The following KBTBD7 variants were observed in gnomAD, a reference collection of about 807,000 sequenced individuals.
The protein encoded by KBTBD7 is kelch repeat and BTB domain containing 7.
Under a neutral mutation model 50.3 loss-of-function variants are expected in KBTBD7, and 25 were observed. The observed-to-expected ratio is 0.50, with a 90% confidence interval of 0.36 to 0.69. The LOEUF is 0.69. Among genes scored for constraint, KBTBD7 ranks in the 30% least tolerant of loss-of-function variants. The pLI is 0.00. For synonymous variants in KBTBD7, 305 were observed against 325.3 expected (o/e 0.94, Z 0.67); for missense variants, 653 against 869.5 (o/e 0.75, Z 3.13).
At position 41,193,541 on chromosome 13, in the gene KBTBD7, T is replaced by A; in HGVS notation, c.717A>T (p.Val239=). ...CCAGCCACTGCACAGCTACATGGCA[T>A]ACAGTCCGCTCACTCTCTATGTCCA... is the stretch of plus-strand genomic sequence containing the variant. ...DSLDIESERT[V]CHVAVQWLEA... is the part of the protein sequence containing the mutation. The change falls in exon 1 of 1, where the codon GTA becomes GTT. Residue 239 remains valine, a synonymous_variant. Transcript: ENST00000379483. The surrounding 1 kb of genome is among the most constrained non-coding windows in gnomAD (Gnocchi z 5.7). 6.2e-7 allele frequency: 1 copy of A among 1,614,204 alleles called. No homozygotes were observed. Among genetic ancestry groups the A allele is most frequent in the Non-Finnish European group, 8.5e-7 (1 of 1,180,032 alleles).
rs1387794977 is a variant in KBTBD7 at position 41,191,982 on chromosome 13, T to C, written c.*221A>G. ...ACCTACCAAGCATCCTAATCAATTATATAGTTCTTGCTTCCATATTTTAAT... is the reference window on the plus strand; with the variant it reads ...ACCTACCAAGCATCCTAATCAATTACATAGTTCTTGCTTCCATATTTTAAT... On this transcript the variant is annotated 3_prime_UTR_variant, in exon 1 of 1. Coordinates refer to ENST00000379483, the MANE Select transcript of KBTBD7 (RefSeq NM_032138.7). The C allele has an allele frequency of 1.3e-5, 6 of 471,880 alleles. No individual in the cohort carries two copies. The highest frequency in any genetic ancestry group is 2.2e-5 in the Non-Finnish European group (6 of 268,080). 29.2% of individuals were successfully genotyped at this position (471,880 alleles called of 1,614,324 possible).
chr13:41,192,086 A>T lies in KBTBD7; in HGVS notation c.*117T>A. The T allele has an allele frequency of 2.1e-6, 2 of 949,254 alleles. No homozygotes were observed. Among genetic ancestry groups the T allele is most frequent in the Non-Finnish European group, 3.2e-6 (2 of 619,960 alleles). The allele number at this position is 949,254 out of a possible 1,614,324, so 58.8% of individuals were successfully genotyped here. On this transcript the variant is annotated 3_prime_UTR_variant, in exon 1 of 1. Coordinates refer to ENST00000379483, the MANE Select transcript of KBTBD7 (RefSeq NM_032138.7). ...AAACCTTGTAGTATTTCAAAATATT[A>T]CCCTTTCTAAACCAAATCTGTGGTC...
chr13:41,190,988 T>TA lies in KBTBD7; in HGVS notation c.*1214dup, dbSNP rs2031369311. ...ATAATTAAGAACATTCACAATGACT[T>TA]ACAAAATGGACAATATTCCAATGCT... is the stretch of plus-strand genomic sequence containing the variant. On this transcript the variant is annotated 3_prime_UTR_variant, in exon 1 of 1. Transcript: ENST00000379483. 1 of 152,148 alleles carries TA rather than the reference T, an allele frequency of 6.6e-6. No homozygotes were observed. The allele number at this position is 152,148 out of a possible 1,614,324, so 9.4% of individuals were successfully genotyped here.
Position 41,190,579 on chromosome 13 carries a change from T to C in KBTBD7, c.*1624A>G, listed in dbSNP as rs2031360799. 1 of 152,214 alleles carries C rather than the reference T, an allele frequency of 6.6e-6. No homozygotes were observed. The highest frequency in any genetic ancestry group is 6.5e-5 in the Admixed American group (1 of 15,290). 9.4% of individuals were successfully genotyped at this position (152,214 alleles called of 1,614,324 possible). A position where few individuals can be genotyped will look rare whatever the true frequency, so the allele number is the denominator to read the frequency against. Reference sequence around the variant, plus strand: ...GTTATTGAATAAAGAATCAGGAAGATAATTCTAATTGGGTATAGAAAAATT... The same window carrying C: ...GTTATTGAATAAAGAATCAGGAAGACAATTCTAATTGGGTATAGAAAAATT... On this transcript the variant is annotated 3_prime_UTR_variant, in exon 1 of 1. Transcript: ENST00000379483.
rs1444417401 is a variant in KBTBD7, at chr13:41,193,276, C to A, written c.982G>T (p.Val328Leu). 6.2e-7 allele frequency: 1 copy of A among 1,612,684 alleles called. No homozygotes were observed. Among genetic ancestry groups the A allele is most frequent in the African/African-American group, 1.3e-5 (1 of 74,880 alleles). Residue 328 changes from valine to leucine, a missense_variant, in exon 1 of 1, where the codon GTA (valine) becomes TTA (leucine). By Grantham distance (32) the Val-to-Leu change is conservative. Coordinates refer to ENST00000379483, the MANE Select transcript of KBTBD7 (RefSeq NM_032138.7). The surrounding 1 kb of genome is among the most constrained non-coding windows in gnomAD (Gnocchi z 5.7). The part of the protein sequence containing the change: ...SSSSSSSNSL[V>L]SAAENPPQRL... ...TGGGGTGGATTTTCTGCTGCAGATA[C>A]AAGAGAGTTGCTGCTGCTACTGCTG...
Position 41,192,189 on chromosome 13 carries a change from T to C in KBTBD7, c.*14A>G. On this transcript the variant is annotated 3_prime_UTR_variant, in exon 1 of 1. Transcript: ENST00000379483. ...CCGTAGCAGTAGAAACATCTTAGTG[T>C]CTCAAAATACTATTTACAAAGAACC... 5 of 1,583,548 alleles carry C rather than the reference T, an allele frequency of 3.2e-6. No individual in the cohort carries two copies. Among genetic ancestry groups the C allele is most frequent in the Non-Finnish European group, 4.3e-6 (5 of 1,165,736 alleles).
Position 41,193,821 on chromosome 13 carries a change from G to A in KBTBD7, c.437C>T (p.Ala146Val). 1 of 1,614,158 alleles carries A rather than the reference G, an allele frequency of 6.2e-7. No individual in the cohort carries two copies. Among genetic ancestry groups the A allele is most frequent in the Non-Finnish European group, 8.5e-7 (1 of 1,180,046 alleles). Residue 146 changes from alanine to valine, a missense_variant, in exon 1 of 1, where the codon GCG (alanine) becomes GTG (valine). Physicochemically the swap from Ala to Val is moderately conservative, Grantham distance 64. Around this residue, in one of 3 missense-constraint regions of KBTBD7, gnomAD observed 526 missense variants for 717.1 expected, o/e 0.73. Coordinates refer to ENST00000379483, the MANE Select transcript of KBTBD7 (RefSeq NM_032138.7). This position sits in a 1 kb window ranked among gnomAD's most constrained non-coding sequence, Gnocchi z 5.7. ...TTCCAGCTGTAGCATGTCGGAGGCCGCGTACAGGCGCTGCACATTGGCCTC... is the reference window on the plus strand; with the variant it reads ...TTCCAGCTGTAGCATGTCGGAGGCCACGTACAGGCGCTGCACATTGGCCTC... Reference protein sequence around the residue: ...LSEANVQRLYAASDMLQLEYV... With the variant: ...LSEANVQRLYVASDMLQLEYV...
Position 41,192,893 on chromosome 13 carries a change from T to C in KBTBD7, c.1365A>G (p.Glu455=). The C allele has an allele frequency of 8.7e-6, 14 of 1,614,230 alleles. No homozygotes were observed. The highest frequency in any genetic ancestry group is 1.2e-5 in the Non-Finnish European group (14 of 1,180,038). Residue 455 remains glutamate (E), a synonymous_variant, in exon 1 of 1, where the codon GAA becomes GAG. Coordinates refer to ENST00000379483, the MANE Select transcript of KBTBD7 (RefSeq NM_032138.7). ...ACTGGTTTCTCTGAACACTGTAGCA[T>C]TCCACTTCCTTCAACTTAACTCCAG... ...PITGVKLKEV[E]CYSVQRNQWA... is the part of the protein sequence containing the mutation.
At position 41,192,315 on chromosome 13, in the gene KBTBD7, C is replaced by A; in HGVS notation, c.1943G>T (p.Gly648Val). ...TGACTCAGAGTCCAGCTCACTGAAT[C>A]CATCTAAGTCCCATTCAGTACTAGA... ...SESSTEWDLD[G>V]FSELDSESGS... Residue 648 changes from glycine to valine, a missense_variant, in exon 1 of 1, where the codon GGA becomes GTA. By Grantham distance (109) the Gly-to-Val change is moderately radical. Transcript: ENST00000379483. The A allele has an allele frequency of 6.2e-7, 1 of 1,614,142 alleles. No individual in the cohort carries two copies. Among genetic ancestry groups the A allele is most frequent in the Non-Finnish European group, 8.5e-7 (1 of 1,180,010 alleles).
chr13:41,192,253 C>G lies in KBTBD7; in HGVS notation c.2005G>C (p.Val669Leu). 1.2e-6 allele frequency: 2 copies of G among 1,614,084 alleles called. No individual in the cohort carries two copies. Among genetic ancestry groups the G allele is most frequent in the Non-Finnish European group, 1.7e-6 (2 of 1,179,996 alleles). The change falls in exon 1 of 1, where the codon GTG (valine) becomes CTG (leucine). Residue 669 changes from valine to leucine, a missense_variant. By Grantham distance (32) the Val-to-Leu change is conservative. Around this residue, in one of 3 missense-constraint regions of KBTBD7, gnomAD observed 526 missense variants for 717.1 expected, o/e 0.73. Coordinates refer to ENST00000379483, the MANE Select transcript of KBTBD7 (RefSeq NM_032138.7). ...SSSFSDDEVW[V>L]QVAPQRNAQD... ...GCATTTCGCTGAGGTGCTACTTGCA[C>G]CCAGACTTCATCATCTGAAAAAGAA... is the stretch of plus-strand genomic sequence containing the variant.
At position 41,191,545 on chromosome 13, in the gene KBTBD7, A is replaced by ATTTCTTTTTTTT. The variant is rs2031384423; in HGVS notation, c.*657_*658insAAAAAAAAGAAA. On this transcript the variant is annotated 3_prime_UTR_variant, in exon 1 of 1. Coordinates refer to ENST00000379483, the MANE Select transcript of KBTBD7 (RefSeq NM_032138.7). ...TTTCTTTTAAAACAGTGGAATCCTG[A>ATTTCTTTTTTTT]TTTTTTCTTTTTTTTTTTTTTTTTT... 1.5e-5 allele frequency: 1 copy of ATTTCTTTTTTTT among 67,332 alleles called. No individual in the cohort carries two copies. Among genetic ancestry groups the ATTTCTTTTTTTT allele is most frequent in the African/African-American group, 3.5e-5 (1 of 28,494 alleles). The allele number at this position is 67,332 out of a possible 1,614,324, so 4.2% of individuals were successfully genotyped here.
Position 41,190,982 on chromosome 13 carries a change from A to G in KBTBD7, c.*1221T>C, listed in dbSNP as rs972356626. 3.3e-5 allele frequency: 5 copies of G among 152,178 alleles called. No individual in the cohort carries two copies. The highest frequency in any genetic ancestry group is 1.2e-4 in the African/African-American group (5 of 41,458). The allele number at this position is 152,178 out of a possible 1,614,324, so 9.4% of individuals were successfully genotyped here. On this transcript the variant is annotated 3_prime_UTR_variant, in exon 1 of 1. Coordinates refer to ENST00000379483, the MANE Select transcript of KBTBD7 (RefSeq NM_032138.7). ...AAGCTGATAATTAAGAACATTCACA[A>G]TGACTTACAAAATGGACAATATTCC...
chr13:41,193,378 C>A lies in KBTBD7; in HGVS notation c.880G>T (p.Val294Phe). 1 of 1,613,220 alleles carries A rather than the reference C, an allele frequency of 6.2e-7. No homozygotes were observed. The highest frequency in any genetic ancestry group is 8.5e-7 in the Non-Finnish European group (1 of 1,179,256). ...KPIVKKYCLD[V>F]IEGALQMRYG... ...CGCATCTGCAGGGCCCCTTCAATAA[C>A]GTCCAGGCAGTACTTCTTCACGATG... Residue 294 changes from valine to phenylalanine, a missense_variant, in exon 1 of 1, where the codon GTT becomes TTT. Physicochemically the swap from Val to Phe is conservative, Grantham distance 50. Coordinates refer to ENST00000379483, the MANE Select transcript of KBTBD7 (RefSeq NM_032138.7). The surrounding 1 kb of genome is among the most constrained non-coding windows in gnomAD (Gnocchi z 5.7).
chr13:41,193,385 G>A lies in KBTBD7; in HGVS notation c.873C>T (p.Cys291=), dbSNP rs779969204. The A allele has an allele frequency of 5.0e-6, 8 of 1,613,340 alleles. No individual in the cohort carries two copies. The highest frequency in any genetic ancestry group is 3.3e-5 in the Admixed American group (2 of 59,988). The change falls in exon 1 of 1, where the codon TGC becomes TGT. Residue 291 remains cysteine, a synonymous_variant. Transcript: ENST00000379483. The surrounding 1 kb of genome is among the most constrained non-coding windows in gnomAD (Gnocchi z 5.7). The part of the protein sequence containing the change: ...LLTKPIVKKY[C]LDVIEGALQM... ...GCAGGGCCCCTTCAATAACGTCCAG[G>A]CAGTACTTCTTCACGATGGGCTTGG...
In KBTBD7 at chr13:41,194,234, C is replaced by T; in HGVS notation, c.24G>A (p.Pro8=). The part of the protein sequence containing the change: MQSREDV[P]RSRRLASPRG... ...GGGGACTGGCGAGGCGGCGAGAGCG[C>T]GGGACGTCTTCCCGGGACTGCATGG... The change falls in exon 1 of 1, where the codon CCG becomes CCA. Residue 8 remains proline (P), a synonymous_variant. Coordinates refer to ENST00000379483, the MANE Select transcript of KBTBD7 (RefSeq NM_032138.7). 1.2e-6 allele frequency: 2 copies of T among 1,614,040 alleles called. No individual in the cohort carries two copies. The highest frequency in any genetic ancestry group is 1.1e-5 in the South Asian group (1 of 91,078).
At position 41,193,392 on chromosome 13, in the gene KBTBD7, T is replaced by G; in HGVS notation, c.866A>C (p.Lys289Thr). The part of the protein sequence containing the change: ...EGLLTKPIVK[K>T]YCLDVIEGAL... ...CCCTTCAATAACGTCCAGGCAGTAC[T>G]TCTTCACGATGGGCTTGGTCAGCAG... Residue 289 changes from lysine (K) to threonine (T), a missense_variant, in exon 1 of 1, where the codon AAG becomes ACG. Around this residue, in one of 3 missense-constraint regions of KBTBD7, gnomAD observed 526 missense variants for 717.1 expected, o/e 0.73. Transcript: ENST00000379483. The surrounding 1 kb of genome is among the most constrained non-coding windows in gnomAD (Gnocchi z 5.7). 6.2e-7 allele frequency: 1 copy of G among 1,613,664 alleles called. No individual in the cohort carries two copies. The highest frequency in any genetic ancestry group is 1.1e-5 in the South Asian group (1 of 91,046).
chr13:41,194,465 G>A lies in KBTBD7; in HGVS notation c.-208C>T, dbSNP rs944684041. The stretch of plus-strand genomic sequence containing the variant: ...CTGACTCACCCTCTCTCACTCCCGC[G>A]CCCTTTCTCCGCCTCCGCTCGCCCT... On this transcript the variant is annotated 5_prime_UTR_variant, in exon 1 of 1. Coordinates refer to ENST00000379483, the MANE Select transcript of KBTBD7 (RefSeq NM_032138.7). The A allele has an allele frequency of 4.5e-6, 3 of 670,346 alleles. No homozygotes were observed. Among genetic ancestry groups the A allele is most frequent in the South Asian group, 4.4e-5 (2 of 45,062 alleles). 41.5% of individuals were successfully genotyped at this position (670,346 alleles called of 1,614,324 possible).
chr13:41,192,383 A>G lies in KBTBD7; in HGVS notation c.1875T>C (p.Pro625=), dbSNP rs1489240249. Residue 625 remains proline (P), a synonymous_variant, in exon 1 of 1, where the codon CCT becomes CCC. Transcript: ENST00000379483. The stretch of plus-strand genomic sequence containing the variant: ...CTTCCTCAGTAATAAAACTCTGACC[A>G]GGTTCAAGGCAGGAAGGATAAACAC... ...CARVYPSCLE[P]GQSFITEEDD... 6.2e-7 allele frequency: 1 copy of G among 1,614,250 alleles called. No individual in the cohort carries two copies. The highest frequency in any genetic ancestry group is 2.2e-5 in the East Asian group (1 of 44,888).
In KBTBD7 at chr13:41,194,526, C is replaced by G; in HGVS notation, c.-269G>C. ...GCTGGCTTGCAGCCGCGGAAGCCCC[C>G]ACTGCCGCGCTGGCGATCCCGCTAG... is the stretch of plus-strand genomic sequence containing the variant. On this transcript the variant is annotated 5_prime_UTR_variant, in exon 1 of 1. Coordinates refer to ENST00000379483, the MANE Select transcript of KBTBD7 (RefSeq NM_032138.7). 1 of 536,202 alleles carries G rather than the reference C, an allele frequency of 1.9e-6. No homozygotes were observed. Among genetic ancestry groups the G allele is most frequent in the Non-Finnish European group, 3.4e-6 (1 of 293,908 alleles). 33.2% of individuals were successfully genotyped at this position (536,202 alleles called of 1,614,324 possible).
Sources: gnomAD v4.1 joint callset for allele counts on GRCh38, gnomAD v4.1.1 for gene constraint, gnomAD v4.1.1 regional missense constraint, Gnocchi (gnomAD v3.1) non-coding constraint, MANE v1.5 for transcripts, NCBI Gene and HGNC (gene_info 2026-07-23, HGNC 2026-07-21) for gene names.